The following ZNF106 variants were observed in gnomAD, a reference collection of about 807,000 sequenced individuals.
ZNF106 encodes the protein SH3-domain binding protein 3.
A neutral mutation model predicts 195.1 loss-of-function variants in ZNF106; 67 were observed. That is an observed-to-expected ratio of 0.34 (90% CI 0.28 to 0.42). The LOEUF is 0.42. ZNF106 is among the 10% of genes least tolerant of loss of function. The probability of loss-of-function intolerance (pLI) is 1.00; values close to 1 mark genes in which losing one functional copy is unlikely to be tolerated. For missense variants in ZNF106, 2,118 were observed against 2,304.5 expected (o/e 0.92, Z 1.66); for synonymous variants, 784 against 818.6 (o/e 0.96, Z 0.72).
At chr15:42,420,043 T>C (rs1184159881) in intron 20 of ZNF106, among the ~76,000 whole-genome samples, 2 of 152,242 alleles carry the variant, frequency 1.3e-5, no homozygotes, top group Non-Finnish European at 2.9e-5. Context: ...CAGAGGTATC[T>C]TCCCCATTTC....
At chr15:42,458,200 T>TAA (rs373411904) in intron 3 of ZNF106, among the ~76,000 whole-genome samples, 1 of 148,248 alleles carries the variant, frequency 6.7e-6, no homozygotes, top group Non-Finnish European at 1.5e-5. Context: ...GCCAATCTAT[T>TAA]AAAAAAAAAA....
Position 42,417,818 on chromosome 15 carries a change from T to C in ZNF106, c.5651A>G (p.Lys1884Arg), listed in dbSNP as rs906093509. ...CCACTAATGTACCTGTTTGGATCCT[T>C]TCCTAGCAGTGAAAAAAGCATCGCA... is the stretch of plus-strand genomic sequence containing the variant. ...KNCDAFFTAR[K>R]GSKQDAAGHI... Residue 1884 changes from lysine to arginine, a missense_variant, in exon 21 of 22, where the codon AAA becomes AGA. Coordinates refer to ENST00000564754, the MANE Select transcript of ZNF106 (RefSeq NM_001366845.3). The C allele has an allele frequency of 6.2e-7, 1 of 1,613,844 alleles. No individual in the cohort carries two copies.
chr15:42,490,869 A>T (rs934122160), intron 1 of ZNF106, 111 bp downstream of exon 1: 3 of 152,392 alleles, frequency 2.0e-5, no homozygotes, highest in Non-Finnish European at 2.9e-5. Context: ...CGCAGCCTGC[A>T]GGAGTAGAAA....
intron 17 of ZNF106, 87 bp downstream of exon 17, chr15:42,423,911 T>A (rs2054760238): frequency 7.7e-7 from 1 of 1,304,800 alleles, no homozygotes; most frequent in Non-Finnish European, 1.1e-6. Context: ...AAGGGCTTAA[T>A]TTAAATTGCA....
chr15:42,414,417 T>G lies in ZNF106; in HGVS notation c.*2887A>C, dbSNP rs2054373292. The G allele has an allele frequency of 6.6e-6, 1 of 152,218 alleles. No individual in the cohort carries two copies. The highest frequency in any genetic ancestry group is 2.1e-4 in the South Asian group (1 of 4,834). 9.4% of individuals were successfully genotyped at this position (152,218 alleles called of 1,614,324 possible). ...GTGTTAAAAGAATTTCATGTGTTCTTGAAACAAAGGCATACTGCCACTGCT... is the reference window on the plus strand; with the variant it reads ...GTGTTAAAAGAATTTCATGTGTTCTGGAAACAAAGGCATACTGCCACTGCT... On this transcript the variant is annotated 3_prime_UTR_variant, in exon 22 of 22. Coordinates refer to ENST00000564754, the MANE Select transcript of ZNF106 (RefSeq NM_001366845.3).
At chr15:42,431,974 G>A (rs765406454) in intron 14 of ZNF106, among the ~76,000 whole-genome samples, 40 of 152,110 alleles carry the variant, frequency 2.6e-4, no homozygotes, top group Non-Finnish European at 5.0e-4. Context: ...ATCAATTATT[G>A]AGAAAGGGTT....
Position 42,448,521 on chromosome 15 carries a change from C to G in ZNF106, c.2686G>C (p.Val896Leu), listed in dbSNP as rs200006052. 311 of 1,614,008 alleles carry G rather than the reference C, an allele frequency of 1.9e-4. No homozygotes were observed. Among genetic ancestry groups the G allele is most frequent in the Non-Finnish European group, 2.5e-4 (291 of 1,180,034 alleles). ...CCTTCCTCACTGAAGAAGCTATACA[C>G]AGAAGGAGCTCTGTCCATGATCACG... ...SSVIMDRAPSVYSFFSEEGTG... is the reference protein window; with the variant it reads ...SSVIMDRAPSLYSFFSEEGTG... The change falls in exon 6 of 22, where the codon GTG becomes CTG. Residue 896 changes from valine (V) to leucine (L), a missense_variant. Transcript: ENST00000564754.
In ZNF106 at chr15:42,438,543, A is replaced by G. The variant is rs1481674721; in HGVS notation, c.4600+69T>C. The G allele has an allele frequency of 1.8e-5, 25 of 1,388,650 alleles. No individual in the cohort carries two copies. The East Asian group carries it at 4.5e-4, about 25-fold the overall frequency. The allele number at this position is 1,388,650 out of a possible 1,614,324, so 86.0% of individuals were successfully genotyped here. The stretch of plus-strand genomic sequence containing the variant: ...TATAAATATATTTAAGTAGGTTTAA[A>G]TCCTGGCTTTAATATTTACAAGGCT... On this transcript the variant is annotated intron_variant, in intron 12 of 21. Transcript: ENST00000564754.
In ZNF106 at chr15:42,422,819, C is replaced by T. The variant is rs144748845; in HGVS notation, c.5254-199G>A. Among the ~76,000 whole-genome samples the T allele has an allele frequency of 1.5e-3, 227 of 151,232 alleles. 4 individuals are homozygous for T. Among genetic ancestry groups the T allele is most frequent in the African/African-American group, 5.5e-3 (225 of 41,268 alleles). On this transcript the variant is annotated intron_variant, in intron 17 of 21. Transcript: ENST00000564754. ...AGAAGTATCCCACAATCATTTATTA[C>T]ATATACAAAATATATGGATTGTATC...
chr15:42,437,885 C>A (rs372890777), intron 12 of ZNF106, among the ~76,000 whole-genome samples: 1 of 139,720 alleles, frequency 7.2e-6, no homozygotes, highest in African/African-American at 2.7e-5. Flanking sequence ...CCAGCCTGGG[C>A]GACAACGACT....
chr15:42,437,043 T>A, intron 13 of ZNF106, among the ~76,000 whole-genome samples, 189 bp downstream of exon 13: 1 of 152,154 alleles, frequency 6.6e-6, no homozygotes, highest in Middle Eastern at 3.4e-3. Context: ...GAAGGCAGAG[T>A]AGGGAGACAA....
intron 1 of ZNF106, among the ~76,000 whole-genome samples, chr15:42,479,477 A>C (rs1266527416): frequency 6.6e-6 from 1 of 152,184 alleles, no homozygotes; most frequent in Admixed American, 6.5e-5. Context: ...TGGTTTATAT[A>C]TACACTTGGG....
intron 20 of ZNF106, among the ~76,000 whole-genome samples, 183 bp from the exon 21 acceptor site, chr15:42,418,134 C>T (rs184932439): frequency 1.3e-5 from 2 of 152,058 alleles, no homozygotes. Flanking sequence ...TAATGAGGAA[C>T]CTTGAAAATA....
At chr15:42,459,653 T>C (rs993310360) in intron 3 of ZNF106, among the ~76,000 whole-genome samples, 1 of 152,124 alleles carries the variant, frequency 6.6e-6, no homozygotes, top group Non-Finnish European at 1.5e-5. Flanking sequence ...TCTATCACAA[T>C]GGGCAGCATC....
rs765425086 is a variant in ZNF106, at chr15:42,439,107, C to T, written c.4470G>A (p.Thr1490=). The T allele has an allele frequency of 1.8e-5, 29 of 1,614,056 alleles. No individual in the cohort carries two copies. The highest frequency in any genetic ancestry group is 2.3e-5 in the Non-Finnish European group (27 of 1,180,038). The change falls in exon 11 of 22, where the codon ACG becomes ACA. Residue 1490 remains threonine, a synonymous_variant. Coordinates refer to ENST00000564754, the MANE Select transcript of ZNF106 (RefSeq NM_001366845.3). The stretch of plus-strand genomic sequence containing the variant: ...TAACTTCATCACACCCAGAACGAGA[C>T]GTTTCTAGTGGGTTTTGCTCTGTAG... ...WNSTEQNPLE[T]SRSGCDEVSS...
At chr15:42,418,532 A>ATTTTTTTTTTTTTTTTT (rs1162999546) in intron 20 of ZNF106, among the ~76,000 whole-genome samples, 4 of 96,246 alleles carry the variant, frequency 4.2e-5, no homozygotes, top group South Asian at 3.7e-4. Context: ...CGGCCAGTTA[A>ATTTTTTTTTTTTTTTTT]TTTTTTTTTT....
intron 1 of ZNF106, among the ~76,000 whole-genome samples, chr15:42,472,738 G>A (rs1177275524): frequency 6.6e-6 from 1 of 152,182 alleles, no homozygotes. Flanking sequence ...ATGGACAGGT[G>A]CAGGGGCTCA....
At position 42,450,477 on chromosome 15, in the gene ZNF106, A is replaced by C. The variant is rs2055964717; in HGVS notation, c.1795T>G (p.Ser599Ala). 4 of 1,613,826 alleles carry C rather than the reference A, an allele frequency of 2.5e-6. No homozygotes were observed. The highest frequency in any genetic ancestry group is 1.3e-5 in the African/African-American group (1 of 74,836). Residue 599 changes from serine to alanine, a missense_variant, in exon 5 of 22, where the codon TCT becomes GCT. By Grantham distance (99) the Ser-to-Ala change is moderately conservative. Transcript: ENST00000564754. ...TGCACTTGAAACTCAATTTTCAAAG[A>C]CCCTTTTTCAGATTCTTCTACATTT... ...SRNVEESEKG[S>A]LKIEFQVHAL...
chr15:42,458,743 C>T (rs753497998), intron 3 of ZNF106, among the ~76,000 whole-genome samples: 2 of 151,148 alleles, frequency 1.3e-5, no homozygotes, highest in Non-Finnish European at 3.0e-5. Context: ...AACACCTTAC[C>T]AAAAAACAGC....
Sources: gnomAD v4.1 joint callset for allele counts (sites outside exome capture counted in the v4.1 genomes callset) on GRCh38, gnomAD v4.1.1 for gene constraint, MANE v1.5 for transcripts, NCBI Gene and HGNC (gene_info 2026-07-23, HGNC 2026-07-21) for gene names.